Variants in SLC6A11 observed in about 807,000 individuals in gnomAD.
SLC6A11 encodes solute carrier family 6 member 11.
In SLC6A11, 25 loss-of-function variants were observed where a neutral mutation model predicts 74.8. The ratio of observed to expected loss-of-function variants is 0.33; its 90% CI spans 0.24 to 0.47. The LOEUF is 0.47. Among genes scored for constraint, SLC6A11 ranks in the 20% least tolerant of loss-of-function variants. The pLI is 1.00. For missense variants in SLC6A11, 574 were observed against 837.0 expected (o/e 0.69, Z 3.88); for synonymous variants, 330 against 330.2 (o/e 1.00, Z 0.01).
chr3:10,864,831 G>C (rs1254886610), intron 5 of SLC6A11, among the ~76,000 whole-genome samples: 1 of 152,182 alleles, frequency 6.6e-6, no homozygotes, highest in Non-Finnish European at 1.5e-5. Flanking sequence ...ACAGCTGTGT[G>C]TGCTTCTTCT....
chr3:10,852,965 G>C (rs1332668377), intron 5 of SLC6A11, among the ~76,000 whole-genome samples: 1 of 152,176 alleles, frequency 6.6e-6, no homozygotes, highest in Non-Finnish European at 1.5e-5. Context: ...GCAGGAGCTG[G>C]GAGTCAGGAG....
intron 6 of SLC6A11, among the ~76,000 whole-genome samples, chr3:10,895,938 A>G (rs1170268308): frequency 6.6e-6 from 1 of 152,234 alleles, no homozygotes; most frequent in East Asian, 1.9e-4. Context: ...TCATGTGGGC[A>G]GCTTTTGTGG....
At chr3:10,831,717 T>C (rs572318778) in intron 4 of SLC6A11, among the ~76,000 whole-genome samples, 10 of 152,348 alleles carry the variant, frequency 6.6e-5, no homozygotes, top group Middle Eastern at 3.4e-3. Context: ...ATTTAAAAAA[T>C]AGGAGCCACG....
At chr3:10,897,603 G>A (rs1397237214) in intron 6 of SLC6A11, among the ~76,000 whole-genome samples, 1 of 152,244 alleles carries the variant, frequency 6.6e-6, no homozygotes, top group Non-Finnish European at 1.5e-5. Context: ...AATCCAAGAG[G>A]TGAATTCCCA....
At chr3:10,874,569 T>C (rs964086532) in intron 5 of SLC6A11, among the ~76,000 whole-genome samples, 8 of 152,188 alleles carry the variant, frequency 5.3e-5, no homozygotes, top group African/African-American at 1.9e-4. Context: ...TTTGTAAGTA[T>C]CCAATGCATT....
chr3:10,873,694 T>C (rs1037511884), intron 5 of SLC6A11, among the ~76,000 whole-genome samples: 2 of 103,566 alleles, frequency 1.9e-5, no homozygotes, highest in Middle Eastern at 4.3e-3. Flanking sequence ...CGTCCCATCC[T>C]ATCCTATCCT....
chr3:10,932,219 C>G (rs1014510972), intron 10 of SLC6A11, among the ~76,000 whole-genome samples: 5 of 152,158 alleles, frequency 3.3e-5, no homozygotes, highest in South Asian at 2.1e-4. Flanking sequence ...CTCACACATT[C>G]TAGGACATCA....
chr3:10,903,709 C>T (rs1208964584), intron 6 of SLC6A11, among the ~76,000 whole-genome samples: 1 of 152,184 alleles, frequency 6.6e-6, no homozygotes, highest in Non-Finnish European at 1.5e-5. Context: ...GCACCTGCTG[C>T]TCATGAGGGC....
intron 1 of SLC6A11, among the ~76,000 whole-genome samples, chr3:10,817,223 A>T (rs1414932437): frequency 6.6e-6 from 1 of 152,166 alleles, no homozygotes; most frequent in Non-Finnish European, 1.5e-5. Context: ...CTGGTGGAAG[A>T]ATTGACAACG....
intron 6 of SLC6A11, among the ~76,000 whole-genome samples, chr3:10,895,863 A>G (rs1695165086): frequency 6.6e-6 from 1 of 152,060 alleles, no homozygotes; most frequent in African/African-American, 2.4e-5. Context: ...TAGGTGCAGC[A>G]AACCGCCACG....
chr3:10,930,627 A>G (rs1459148867), intron 10 of SLC6A11, among the ~76,000 whole-genome samples: 2 of 152,188 alleles, frequency 1.3e-5, no homozygotes, highest in Non-Finnish European at 1.5e-5. Context: ...GTCTTGTCAC[A>G]TACAAATTTG....
chr3:10,875,754 A>G (rs146804071), intron 6 of SLC6A11, among the ~76,000 whole-genome samples: 6 of 152,320 alleles, frequency 3.9e-5, no homozygotes, highest in Admixed American at 6.5e-5. Context: ...TAGTGGGTAC[A>G]TGGTGGTGTG....
intron 4 of SLC6A11, among the ~76,000 whole-genome samples, chr3:10,827,082 C>G (rs1221267927): frequency 6.6e-6 from 1 of 152,182 alleles, no homozygotes; most frequent in Non-Finnish European, 1.5e-5. Flanking sequence ...TGTCAGACAC[C>G]TCTAATTCCT....
At chr3:10,837,356 C>T (rs867417036) in intron 4 of SLC6A11, among the ~76,000 whole-genome samples, 5 of 152,074 alleles carry the variant, frequency 3.3e-5, no homozygotes, top group African/African-American at 1.2e-4. Flanking sequence ...CTATGTCGGT[C>T]CCTGATTGCA....
intron 6 of SLC6A11, among the ~76,000 whole-genome samples, chr3:10,903,582 G>A (rs1019986797): frequency 1.3e-5 from 2 of 152,206 alleles, no homozygotes; most frequent in African/African-American, 4.8e-5. Flanking sequence ...ACTTGTGCCT[G>A]GCACATGGTA....
At chr3:10,872,790 G>A (rs1694842512) in intron 5 of SLC6A11, among the ~76,000 whole-genome samples, 2 of 152,184 alleles carry the variant, frequency 1.3e-5, no homozygotes, top group Admixed American at 6.5e-5. Context: ...GAACAGGAGC[G>A]AGAGGCTAAC....
chr3:10,904,353 GGTT>G (rs1358899274), intron 6 of SLC6A11, among the ~76,000 whole-genome samples: 1 of 152,188 alleles, frequency 6.6e-6, no homozygotes, highest in Non-Finnish European at 1.5e-5. Context: ...AAAGAGGTGA[GGTT>G]GCCCCAGAGC....
intron 6 of SLC6A11, among the ~76,000 whole-genome samples, chr3:10,896,468 G>A (rs1456174240): frequency 6.6e-6 from 1 of 152,196 alleles, no homozygotes; most frequent in Non-Finnish European, 1.5e-5. Context: ...AAGAAACTGA[G>A]GCTCAAAGAG....
At chr3:10,856,876 C>T (rs1694644324) in intron 5 of SLC6A11, among the ~76,000 whole-genome samples, 1 of 152,172 alleles carries the variant, frequency 6.6e-6, no homozygotes, top group Admixed American at 6.5e-5. Flanking sequence ...TGAGCTGTTT[C>T]CTCAGCTTTA....
Sources: gnomAD v4.1 joint callset for allele counts (sites outside exome capture counted in the v4.1 genomes callset) on GRCh38, gnomAD v4.1.1 for gene constraint, MANE v1.5 for transcripts, NCBI Gene and HGNC (gene_info 2026-07-23, HGNC 2026-07-21) for gene names.